GPC5: variants seen among roughly 807,000 people sequenced by gnomAD.
GPC5 encodes the protein glypican 5.
GPC5 carries 47 observed loss-of-function variants against 53.9 expected under a neutral mutation model. That is an observed-to-expected ratio of 0.87 (90% confidence interval 0.69 to 1.11). The LOEUF (loss-of-function observed/expected upper bound fraction) is 1.11, where lower values mean the gene tolerates loss of function less well. Among genes scored for constraint, GPC5 ranks in the 50% most tolerant of loss-of-function variants. The pLI is 0.00. For missense variants in GPC5, 748 were observed against 713.1 expected (o/e 1.05, Z -0.56); for synonymous variants, 286 against 263.3 (o/e 1.09, Z -0.84).
intron 7 of GPC5, among the ~76,000 whole-genome samples, chr13:92,455,947 A>T (rs1271483529): frequency 6.6e-6 from 1 of 152,186 alleles, no homozygotes; most frequent in Non-Finnish European, 1.5e-5. Flanking sequence ...TAAAATGCAG[A>T]CTTTGAACTG....
chr13:92,749,206 A>G (rs1889317741), intron 7 of GPC5, among the ~76,000 whole-genome samples: 1 of 152,208 alleles, frequency 6.6e-6, no homozygotes, highest in Non-Finnish European at 1.5e-5. Context: ...CGAAATAGGT[A>G]AAATCCAAAC....
At chr13:91,934,704 T>C (rs936137360) in intron 6 of GPC5, among the ~76,000 whole-genome samples, 1 of 151,934 alleles carries the variant, frequency 6.6e-6, no homozygotes, top group Non-Finnish European at 1.5e-5. Context: ...ATGTGTTTGA[T>C]ACTGTTCCTT....
chr13:92,203,577 T>G (rs1054823393), intron 7 of GPC5, among the ~76,000 whole-genome samples: 1 of 143,298 alleles, frequency 7.0e-6, no homozygotes, highest in South Asian at 2.2e-4. Flanking sequence ...GCATGGCACA[T>G]GTATACATAT....
chr13:91,604,411 A>G (rs1263995368), intron 2 of GPC5, among the ~76,000 whole-genome samples: 53 of 151,948 alleles, frequency 3.5e-4, no homozygotes, highest in Admixed American at 3.4e-3. Flanking sequence ...CGTAATAAAC[A>G]TATGGGTGCA....
chr13:92,387,532 C>T (rs561024845), intron 7 of GPC5, among the ~76,000 whole-genome samples: 1 of 152,090 alleles, frequency 6.6e-6, no homozygotes, highest in East Asian at 1.9e-4. Context: ...AGTTGCTTTC[C>T]GACTTCTTGA....
intron 5 of GPC5, among the ~76,000 whole-genome samples, chr13:91,778,722 C>G (rs2037750363): frequency 6.6e-6 from 1 of 152,152 alleles, no homozygotes; most frequent in African/African-American, 2.4e-5. Context: ...GCTGTGTATA[C>G]TTTATTCTCA....
intron 7 of GPC5, among the ~76,000 whole-genome samples, chr13:92,827,144 G>T (rs941694801): frequency 1.3e-5 from 2 of 152,026 alleles, no homozygotes; most frequent in African/African-American, 2.4e-5. Flanking sequence ...AAAATCATGT[G>T]GGGGAGAGAG....
intron 5 of GPC5, among the ~76,000 whole-genome samples, chr13:91,854,262 TG>T (rs1469007681): frequency 6.6e-6 from 1 of 151,836 alleles, no homozygotes; most frequent in East Asian, 1.9e-4. Flanking sequence ...TCAGTTTTTG[TG>T]GGTACATAAT....
At chr13:92,487,326 G>C (rs1376196516) in intron 7 of GPC5, among the ~76,000 whole-genome samples, 3 of 152,154 alleles carry the variant, frequency 2.0e-5, no homozygotes, top group African/African-American at 7.2e-5. Context: ...TATTTAGTGA[G>C]AGTGACCACC....
chr13:91,579,624 CTTTTTTTTT>C (rs3055895), intron 2 of GPC5, among the ~76,000 whole-genome samples: 5 of 102,604 alleles, frequency 4.9e-5, no homozygotes, highest in Admixed American at 1.1e-4. Flanking sequence ...TTTTCTTTTT[CTTTTTTTTT>C]TTTTTTTTTT....
intron 3 of GPC5, among the ~76,000 whole-genome samples, chr13:91,719,682 ATTG>A (rs2036422529): frequency 1.3e-5 from 2 of 152,254 alleles, no homozygotes. Context: ...GTAAAAATTC[ATTG>A]GAAAAAGACA....
intron 7 of GPC5, among the ~76,000 whole-genome samples, chr13:92,332,788 G>T (rs1329396658): frequency 6.6e-6 from 1 of 152,102 alleles, no homozygotes; most frequent in African/African-American, 2.4e-5. Context: ...TATAGGCTCT[G>T]CCTTAATGAA....
intron 7 of GPC5, among the ~76,000 whole-genome samples, chr13:92,380,930 A>G (rs1482695236): frequency 6.6e-6 from 1 of 152,072 alleles, no homozygotes; most frequent in African/African-American, 2.4e-5. Flanking sequence ...AAAAAGAAAA[A>G]AAAAAGAATA....
intron 7 of GPC5, among the ~76,000 whole-genome samples, chr13:92,778,879 C>T (rs1875917489): frequency 6.6e-6 from 1 of 152,008 alleles, no homozygotes; most frequent in Non-Finnish European, 1.5e-5. Flanking sequence ...CTGTATGTAC[C>T]TGCGAAATAG....
At chr13:91,470,714 C>G (rs575886528) in intron 2 of GPC5, among the ~76,000 whole-genome samples, 7 of 152,256 alleles carry the variant, frequency 4.6e-5, no homozygotes, top group African/African-American at 1.4e-4. Context: ...GTAAAAGTGT[C>G]TGAAGTAATT....
At chr13:92,205,867 C>T (rs990763918) in intron 7 of GPC5, among the ~76,000 whole-genome samples, 1 of 151,746 alleles carries the variant, frequency 6.6e-6, no homozygotes, top group East Asian at 2.0e-4. Context: ...GCCAACATGG[C>T]GAAAGCCCCG....
At chr13:91,584,915 G>C (rs577013525) in intron 2 of GPC5, among the ~76,000 whole-genome samples, 1 of 152,218 alleles carries the variant, frequency 6.6e-6, no homozygotes, top group African/African-American at 2.4e-5. Flanking sequence ...GATTCCATTA[G>C]AGAATGAAAG....
At chr13:92,730,189 T>A (rs1450863475) in intron 7 of GPC5, among the ~76,000 whole-genome samples, 1 of 151,404 alleles carries the variant, frequency 6.6e-6, no homozygotes, top group Non-Finnish European at 1.5e-5. Context: ...TACACTTGTA[T>A]TTTTTAATAG....
At chr13:91,739,491 G>A (rs1170569416) in intron 4 of GPC5, among the ~76,000 whole-genome samples, 1 of 151,402 alleles carries the variant, frequency 6.6e-6, no homozygotes, top group Non-Finnish European at 1.5e-5. Flanking sequence ...TTAGTTGCGG[G>A]GTTCATGCTC....
Sources: allele counts gnomAD v4.1 joint callset (sites outside exome capture counted in the v4.1 genomes callset), GRCh38; gene constraint gnomAD v4.1.1; transcripts MANE v1.5; gene names NCBI Gene and HGNC (gene_info 2026-07-23, HGNC 2026-07-21).